Variants in STX6 observed in about 807,000 individuals in gnomAD.
The protein encoded by STX6 is syntaxin-6.
Under a neutral mutation model 38.0 loss-of-function variants are expected in STX6, and 23 were observed. The ratio of observed to expected loss-of-function variants is 0.60; its 90% confidence interval spans 0.43 to 0.86. The LOEUF is 0.86. Ranked by LOEUF, STX6 falls within the 40% of genes least tolerant of loss-of-function variation. The pLI is 0.00. For synonymous variants in STX6, 123 were observed against 107.5 expected (o/e 1.14, Z -0.89); for missense variants, 274 against 312.9 (o/e 0.88, Z 0.94).
intron 7 of STX6, 147 bp from the exon 8 acceptor site, chr1:180,976,793 C>G: frequency 2.8e-6 from 2 of 707,318 alleles, no homozygotes; most frequent in Non-Finnish European, 4.9e-6. Flanking sequence ...GCCTAGGTGC[C>G]TGATGCTCTA....
At chr1:181,015,728 C>T (rs1449352124) in intron 1 of STX6, among the ~76,000 whole-genome samples, 6 of 150,312 alleles carry the variant, frequency 4.0e-5, no homozygotes, top group Non-Finnish European at 7.4e-5. Context: ...AGTGCAGTGG[C>T]GTGATCTCAG....
intron 1 of STX6, among the ~76,000 whole-genome samples, chr1:181,008,115 C>T (rs1188906755): frequency 2.6e-5 from 4 of 152,188 alleles, no homozygotes; most frequent in Admixed American, 6.5e-5. Context: ...TGACAACTGG[C>T]TGTTAAAGGT....
chr1:180,989,159 C>G (rs987046936), intron 5 of STX6: 19 of 152,164 alleles, frequency 1.2e-4, no homozygotes, highest in African/African-American at 4.6e-4. Context: ...CCTTCTACCC[C>G]TTAACCTACA....
chr1:180,992,974 C>T (rs1279789984), intron 4 of STX6, among the ~76,000 whole-genome samples: 2 of 152,320 alleles, frequency 1.3e-5, no homozygotes, highest in Non-Finnish European at 2.9e-5. Flanking sequence ...TCTCTCCTCA[C>T]TGTCAAAGGG....
chr1:181,014,325 C>T (rs369672133), intron 1 of STX6, among the ~76,000 whole-genome samples: 31 of 150,340 alleles, frequency 2.1e-4, no homozygotes, highest in Middle Eastern at 3.4e-3. Context: ...ACCCAGGAGG[C>T]GAAGGTTGCA....
intron 1 of STX6, among the ~76,000 whole-genome samples, chr1:181,014,785 T>C (rs1656507952): frequency 6.6e-6 from 1 of 152,252 alleles, no homozygotes; most frequent in Non-Finnish European, 1.5e-5. Context: ...AGGAAACACA[T>C]GCACACCCTT....
At chr1:181,005,097 G>A (rs986399578) in intron 2 of STX6, 197 bp downstream of exon 2, 11 of 415,164 alleles carry the variant, frequency 2.6e-5, no homozygotes, top group Non-Finnish European at 3.2e-5. Flanking sequence ...TACAGGATTT[G>A]TCACACACTG....
At chr1:180,978,673 G>A (rs1318506660) in intron 7 of STX6, among the ~76,000 whole-genome samples, 1 of 152,172 alleles carries the variant, frequency 6.6e-6, no homozygotes, top group Non-Finnish European at 1.5e-5. Flanking sequence ...TGACTAACCT[G>A]GGGGAAGGAA....
chr1:180,987,125 C>T (rs1372807567), intron 6 of STX6, among the ~76,000 whole-genome samples: 1 of 152,202 alleles, frequency 6.6e-6, no homozygotes, highest in Non-Finnish European at 1.5e-5. Context: ...TTGTTCTCTG[C>T]CTCCAGACAC....
At chr1:181,021,314 T>C (rs2102338292) in intron 1 of STX6, among the ~76,000 whole-genome samples, 1 of 152,286 alleles carries the variant, frequency 6.6e-6, no homozygotes, top group Middle Eastern at 3.4e-3. Context: ...AAATATCACA[T>C]TTTCTAGGTA....
chr1:180,983,037 C>A (rs1038199402), intron 7 of STX6, among the ~76,000 whole-genome samples: 1 of 152,198 alleles, frequency 6.6e-6, no homozygotes, highest in African/African-American at 2.4e-5. Flanking sequence ...CTTACAATTT[C>A]TTAAAAACAT....
chr1:181,020,712 C>T (rs920169118), intron 1 of STX6, among the ~76,000 whole-genome samples: 3 of 152,240 alleles, frequency 2.0e-5, no homozygotes, highest in Non-Finnish European at 4.4e-5. Context: ...TTTCTCTGAA[C>T]TCCTGAGGCA....
chr1:181,002,738 A>G lies in STX6; in HGVS notation c.206-38T>C, dbSNP rs757361244. 36 of 1,361,338 alleles carry G rather than the reference A, an allele frequency of 2.6e-5. No individual in the cohort carries two copies. The African/African-American group carries it at 4.7e-4, about 18-fold the overall frequency. 84.3% of individuals were successfully genotyped at this position (1,361,338 alleles called of 1,614,324 possible). A position where few individuals can be genotyped will look rare whatever the true frequency, so the allele number is the denominator to read the frequency against. ...GTCAAGGTAAAACAATTTCATCATC[A>G]AAGCCTGACAACATCCTGTTAACTC... is the stretch of plus-strand genomic sequence containing the variant. On this transcript the variant is annotated intron_variant, in intron 2 of 7. Transcript: ENST00000258301.
chr1:181,008,232 G>A (rs979164090), intron 1 of STX6, among the ~76,000 whole-genome samples: 6 of 152,148 alleles, frequency 3.9e-5, no homozygotes, highest in Non-Finnish European at 2.9e-5. Context: ...AAATGGGAAG[G>A]AGTATCTCAG....
intron 6 of STX6, among the ~76,000 whole-genome samples, chr1:180,986,408 T>G (rs925152545): frequency 1.3e-5 from 2 of 152,248 alleles, no homozygotes; most frequent in Non-Finnish European, 2.9e-5. Context: ...CAAAATCCAG[T>G]AAGCATTTTA....
intron 3 of STX6, among the ~76,000 whole-genome samples, chr1:180,998,809 T>A (rs1655990164): frequency 6.6e-6 from 1 of 152,254 alleles, no homozygotes; most frequent in African/African-American, 2.4e-5. Context: ...TTTATAACAA[T>A]CTATCATGCC....
intron 1 of STX6, among the ~76,000 whole-genome samples, chr1:181,015,173 T>C (rs1656520599): frequency 6.6e-6 from 1 of 152,146 alleles, no homozygotes; most frequent in East Asian, 1.9e-4. Context: ...CATTCACAAG[T>C]TCAAAGCACC....
At chr1:181,012,805 G>T (rs1253284991) in intron 1 of STX6, among the ~76,000 whole-genome samples, 2 of 151,282 alleles carry the variant, frequency 1.3e-5, no homozygotes, top group Non-Finnish European at 2.9e-5. Flanking sequence ...CTCCTGAGTA[G>T]CTGGGATTAC....
Position 180,993,404 on chromosome 1 carries a change from T to C in STX6, c.322A>G (p.Thr108Ala), listed in dbSNP as rs201918993. ...TCAGCTAATGCCTGCACAGATGAAG[T>C]TGACATCTGATCTTTCATGTCCTAA... ...VVRDMKDQMS[T>A]SSVQALAERK... Residue 108 changes from threonine (T) to alanine (A), a missense_variant, in exon 4 of 8, where the codon ACT becomes GCT. Coordinates refer to ENST00000258301, the MANE Select transcript of STX6 (RefSeq NM_005819.6). 2.0e-4 allele frequency: 323 copies of C among 1,597,752 alleles called. No individual in the cohort carries two copies. Among genetic ancestry groups the C allele is most frequent in the African/African-American group, 4.7e-4 (35 of 74,628 alleles).
Sources: gnomAD v4.1 joint callset for allele counts (sites outside exome capture counted in the v4.1 genomes callset) on GRCh38, gnomAD v4.1.1 for gene constraint, MANE v1.5 for transcripts, NCBI Gene and HGNC (gene_info 2026-07-23, HGNC 2026-07-21) for gene names.